Variants in CTNNA2 observed in about 807,000 individuals in gnomAD.
CTNNA2 encodes catenin alpha-2.
Under a neutral mutation model 101.0 loss-of-function variants are expected in CTNNA2, and 42 were observed. The ratio of observed to expected loss-of-function variants is 0.42; its 90% CI spans 0.32 to 0.54. CTNNA2 has a LOEUF of 0.54. CTNNA2 is among the 20% of genes least tolerant of loss of function. CTNNA2 has a pLI of 0.14. For missense variants in CTNNA2, 871 were observed against 1,223.1 expected, an observed-to-expected ratio of 0.71 and a Z score of 4.29; for synonymous variants, 450 against 456.4, an observed-to-expected ratio of 0.99 and a Z score of 0.18.
intron 4 of CTNNA2, among the ~76,000 whole-genome samples, chr2:79,387,047 G>T (rs574633586): frequency 5.3e-5 from 8 of 152,230 alleles, no homozygotes; most frequent in African/African-American, 1.7e-4. Flanking sequence ...ACCCTTATAA[G>T]TTGTCTCTGT....
intron 7 of CTNNA2, among the ~76,000 whole-genome samples, chr2:80,204,112 C>A (rs1558899951): frequency 6.6e-6 from 1 of 152,188 alleles, no homozygotes; most frequent in African/African-American, 2.4e-5. Flanking sequence ...ACCACAAAAT[C>A]ATTTTTTCCT....
chr2:79,577,612 T>C (rs559992049), intron 1 of CTNNA2, among the ~76,000 whole-genome samples: 3 of 152,226 alleles, frequency 2.0e-5, no homozygotes, highest in African/African-American at 7.2e-5. Context: ...TTTTTGTAGA[T>C]AGTCTAAGTA....
chr2:80,032,923 C>G (rs535253789), intron 7 of CTNNA2, among the ~76,000 whole-genome samples: 23 of 152,032 alleles, frequency 1.5e-4, no homozygotes, highest in Admixed American at 5.9e-4. Context: ...GAGGCTGAGA[C>G]AGGCGGATCA....
At chr2:79,832,084 A>G (rs908635839) in intron 3 of CTNNA2, among the ~76,000 whole-genome samples, 1 of 152,076 alleles carries the variant, frequency 6.6e-6, no homozygotes, top group African/African-American at 2.4e-5. Flanking sequence ...TTCAGTTTTC[A>G]GTCCCATACT....
chr2:80,362,620 A>AGTGGAATCTAATATTTAT, intron 7 of CTNNA2, among the ~76,000 whole-genome samples: 1 of 152,258 alleles, frequency 6.6e-6, no homozygotes, highest in Admixed American at 6.5e-5. Context: ...CTAATATTTA[A>AGTGGAATCTAATATTTAT]GTGGAAACTT....
chr2:80,214,306 A>T (rs1267739503), intron 7 of CTNNA2, among the ~76,000 whole-genome samples: 1 of 152,122 alleles, frequency 6.6e-6, no homozygotes, highest in African/African-American at 2.4e-5. Flanking sequence ...TCTTCCTAGC[A>T]TCGATGGTCC....
In CTNNA2 at chr2:79,888,699, A is replaced by C. The variant is rs1348251273; in HGVS notation, c.852+14357A>C. ...CTTGGGTTATTTCTTGAGGCAGCGA[A>C]AAATGTAAGAATCTGTTTTCTTCCT... On this transcript the variant is annotated intron_variant, in intron 6 of 18. Coordinates refer to ENST00000402739, the MANE Select transcript of CTNNA2 (RefSeq NM_001282597.3). 2.6e-5 allele frequency among the ~76,000 whole-genome samples: 4 copies of C among 152,292 alleles called. No individual in the cohort carries two copies. In the East Asian group the frequency reaches 7.7e-4, roughly 29 times the overall value.
intron 3 of CTNNA2, among the ~76,000 whole-genome samples, chr2:79,829,829 C>A (rs764705816): frequency 4.0e-5 from 6 of 151,842 alleles, no homozygotes; most frequent in Non-Finnish European, 8.8e-5. Flanking sequence ...ACGCCGTTGT[C>A]CTGCCTCAGC....
intron 4 of CTNNA2, among the ~76,000 whole-genome samples, chr2:79,406,150 G>T (rs1391496550): frequency 2.0e-5 from 3 of 152,020 alleles, no homozygotes; most frequent in Admixed American, 6.6e-5. Flanking sequence ...AAAGGTCATT[G>T]ATACTTTACA....
At chr2:80,502,959 G>A (rs1687989376) in intron 9 of CTNNA2, among the ~76,000 whole-genome samples, 1 of 152,128 alleles carries the variant, frequency 6.6e-6, no homozygotes, top group Non-Finnish European at 1.5e-5. Context: ...TTGAGCCCAG[G>A]AATTTGAGAC....
intron 4 of CTNNA2, among the ~76,000 whole-genome samples, chr2:79,395,052 C>G (rs990368634): frequency 6.6e-6 from 1 of 152,070 alleles, no homozygotes; most frequent in African/African-American, 2.4e-5. Context: ...GTGATAGATT[C>G]GTTGCTAAGG....
At chr2:79,741,037 G>A (rs1312888131) in intron 2 of CTNNA2, among the ~76,000 whole-genome samples, 1 of 151,928 alleles carries the variant, frequency 6.6e-6, no homozygotes, top group East Asian at 1.9e-4. Flanking sequence ...AGTGTGGAGT[G>A]GCATGCATTG....
intron 3 of CTNNA2, among the ~76,000 whole-genome samples, chr2:79,793,515 A>G (rs1675446829): frequency 1.3e-5 from 2 of 152,266 alleles, no homozygotes; most frequent in East Asian, 1.9e-4. Context: ...CCCTTAAGGG[A>G]GATGTTATTT....
At chr2:80,359,625 A>G (rs967567824) in intron 7 of CTNNA2, among the ~76,000 whole-genome samples, 12 of 152,146 alleles carry the variant, frequency 7.9e-5, no homozygotes, top group African/African-American at 2.9e-4. Flanking sequence ...ACCTTGAGAC[A>G]TAACTGTAAG....
chr2:80,543,390 C>T (rs1691751002), intron 9 of CTNNA2, among the ~76,000 whole-genome samples: 1 of 152,030 alleles, frequency 6.6e-6, no homozygotes. Context: ...ATTTTGAAAA[C>T]TAAGTAAAAT....
At chr2:80,385,656 C>A (rs1005925458) in intron 7 of CTNNA2, among the ~76,000 whole-genome samples, 4 of 152,048 alleles carry the variant, frequency 2.6e-5, no homozygotes, top group African/African-American at 4.8e-5. Context: ...ATTTCTTTTT[C>A]TCCAATTCTT....
At chr2:80,244,584 A>C (rs1671186171) in intron 7 of CTNNA2, among the ~76,000 whole-genome samples, 1 of 152,212 alleles carries the variant, frequency 6.6e-6, no homozygotes, top group South Asian at 2.1e-4. Context: ...TCCACAGTAT[A>C]AGGAAGCTAA....
intron 9 of CTNNA2, among the ~76,000 whole-genome samples, chr2:80,448,547 C>T (rs1472351163): frequency 6.6e-6 from 1 of 152,146 alleles, no homozygotes; most frequent in Non-Finnish European, 1.5e-5. Flanking sequence ...TAGAGATGCT[C>T]ATTCAGTCTG....
intron 4 of CTNNA2, among the ~76,000 whole-genome samples, chr2:79,405,252 A>C (rs1369773202): frequency 1.3e-5 from 2 of 152,202 alleles, no homozygotes; most frequent in East Asian, 3.9e-4. Flanking sequence ...GAATTCTGTC[A>C]ACAACCTGAG....
Sources: gnomAD v4.1 joint callset for allele counts (sites outside exome capture counted in the v4.1 genomes callset) on GRCh38, gnomAD v4.1.1 for gene constraint, MANE v1.5 for transcripts, NCBI Gene and HGNC (gene_info 2026-07-23, HGNC 2026-07-21) for gene names.